TIMP2: variants seen among roughly 807,000 people sequenced by gnomAD.
TIMP2 encodes TIMP metallopeptidase inhibitor 2.
In TIMP2, 5 loss-of-function variants were observed where a neutral mutation model predicts 24.3. The observed-to-expected ratio is 0.21, with a 90% confidence interval of 0.11 to 0.43. The LOEUF (loss-of-function observed/expected upper bound fraction) is 0.43. Among genes scored for constraint, TIMP2 ranks in the 20% least tolerant of loss-of-function variants. TIMP2 has a pLI of 1.00. For missense variants in TIMP2, 221 were observed against 297.5 expected, an observed-to-expected ratio of 0.74 and a Z score of 1.89; for synonymous variants, 130 against 123.2, an observed-to-expected ratio of 1.06 and a Z score of -0.37.
At chr17:78,871,396 G>A (rs994500314) in intron 2 of TIMP2, among the ~76,000 whole-genome samples, 22 of 146,834 alleles carry the variant, frequency 1.5e-4, no homozygotes, top group South Asian at 1.3e-3. Flanking sequence ...AGGTTGCAGT[G>A]AGCTGAGATG....
At position 78,906,395 on chromosome 17, in the gene TIMP2, GAAATAA is replaced by G. The variant is rs535808055; in HGVS notation, c.130+18558_130+18563del. On this transcript the variant is annotated intron_variant, in intron 1 of 4. Transcript: ENST00000262768. ...AAAAAAGAAAAACCCAAAACTTGAA[GAAATAA>G]AAATAAAAATAAAAATATTTTATTG... Among the ~76,000 whole-genome samples the G allele has an allele frequency of 1.8e-3, 271 of 152,090 alleles. 3 individuals carry two copies. Among genetic ancestry groups the G allele is most frequent in the African/African-American group, 5.3e-3 (221 of 41,510 alleles).
Position 78,924,676 on chromosome 17 carries a change from C to T in TIMP2, c.130+283G>A, listed in dbSNP as rs1054220563. On this transcript the variant is annotated intron_variant, in intron 1 of 4. Coordinates refer to ENST00000262768, the MANE Select transcript of TIMP2 (RefSeq NM_003255.5). This position sits in a 1 kb window ranked among gnomAD's most constrained non-coding sequence, Gnocchi z 5.3. ...CCAGGGCGCGCCGCCTGCCAAAAGCCAAACTGGCTCCCTTTCCTGGGGCTG... is the reference window on the plus strand; with the variant it reads ...CCAGGGCGCGCCGCCTGCCAAAAGCTAAACTGGCTCCCTTTCCTGGGGCTG... Among the ~76,000 whole-genome samples the T allele has an allele frequency of 6.6e-6, 1 of 152,212 alleles. No homozygotes were observed. Among genetic ancestry groups the T allele is most frequent in the African/African-American group, 2.4e-5 (1 of 41,458 alleles).
intron 1 of TIMP2, chr17:78,902,045 T>C: frequency 1.9e-6 from 1 of 526,540 alleles, no homozygotes; most frequent in East Asian, 3.2e-5. Context: ...TGCCAGAGGC[T>C]TGGTTTTCGC....
intron 1 of TIMP2, among the ~76,000 whole-genome samples, chr17:78,886,247 G>A (rs899251431): frequency 1.3e-5 from 2 of 152,120 alleles, no homozygotes; most frequent in South Asian, 2.1e-4. Context: ...AAGAAGGGGC[G>A]ATTCCTCACC....
At chr17:78,860,498 T>A (rs2069559258) in intron 3 of TIMP2, among the ~76,000 whole-genome samples, 1 of 152,196 alleles carries the variant, frequency 6.6e-6, no homozygotes, top group Non-Finnish European at 1.5e-5. Flanking sequence ...TGCCTGGGGC[T>A]CCAAGCAGAC....
intron 1 of TIMP2, among the ~76,000 whole-genome samples, chr17:78,909,870 G>C (rs2070192561): frequency 6.6e-6 from 1 of 152,118 alleles, no homozygotes; most frequent in Non-Finnish European, 1.5e-5. Context: ...ACTAGCTGGA[G>C]CAAACAGGGA....
chr17:78,906,687 AT>A (rs748563211), intron 1 of TIMP2, among the ~76,000 whole-genome samples: 7 of 151,876 alleles, frequency 4.6e-5, no homozygotes, highest in Non-Finnish European at 8.8e-5. Flanking sequence ...GGTTCACGCG[AT>A]TCTTGTGCCT....
intron 3 of TIMP2, among the ~76,000 whole-genome samples, chr17:78,869,580 G>T (rs1260030933): frequency 3.9e-5 from 6 of 152,212 alleles, no homozygotes; most frequent in Non-Finnish European, 7.3e-5. Flanking sequence ...GGAGGCTGAG[G>T]TGGGCGGATC....
intron 3 of TIMP2, among the ~76,000 whole-genome samples, chr17:78,867,960 T>C (rs1452027005): frequency 1.3e-5 from 2 of 151,850 alleles, no homozygotes; most frequent in Non-Finnish European, 2.9e-5. Context: ...AAATCTATTT[T>C]CTTTCTTTTC....
intron 2 of TIMP2, among the ~76,000 whole-genome samples, chr17:78,871,911 C>A (rs983009674): frequency 1.1e-4 from 17 of 152,026 alleles, no homozygotes; most frequent in Non-Finnish European, 2.2e-4. Context: ...TCCCTCACCC[C>A]CCACCCCAAA....
rs181917390 is a variant in TIMP2 at position 78,887,498 on chromosome 17, C to T, written c.131-13579G>A. Reference sequence around the variant, plus strand: ...CTCCTGGGTTCAAGCGATTCTCCTGCCTCAGCCTCCCGAATAGCTGGGACT... The same window carrying T: ...CTCCTGGGTTCAAGCGATTCTCCTGTCTCAGCCTCCCGAATAGCTGGGACT... On this transcript the variant is annotated intron_variant, in intron 1 of 4. Coordinates refer to ENST00000262768, the MANE Select transcript of TIMP2 (RefSeq NM_003255.5). 1.7e-3 allele frequency among the ~76,000 whole-genome samples: 260 copies of T among 152,314 alleles called. 1 individual carries two copies. Among genetic ancestry groups the T allele is most frequent in the Middle Eastern group, 6.8e-3 (2 of 294 alleles).
chr17:78,882,630 C>T (rs769563676), intron 1 of TIMP2, among the ~76,000 whole-genome samples: 8 of 152,220 alleles, frequency 5.3e-5, no homozygotes, highest in Non-Finnish European at 1.0e-4. Flanking sequence ...GGGCCGACCT[C>T]GCCAGCTGGA....
intron 1 of TIMP2, chr17:78,899,617 CT>C (rs2070058509): frequency 6.6e-6 from 1 of 152,248 alleles, no homozygotes; most frequent in South Asian, 2.1e-4. Flanking sequence ...CCTGGCTCCC[CT>C]GGGAGCCACC....
In TIMP2 at chr17:78,891,800, C is replaced by A. The variant is rs2069900438; in HGVS notation, c.131-17881G>T. On this transcript the variant is annotated intron_variant, in intron 1 of 4. Transcript: ENST00000262768. The surrounding 1 kb of genome is among the most constrained non-coding windows in gnomAD (Gnocchi z 4.5). Reference sequence around the variant, plus strand: ...CCGAGGATGGATGGCACAGCGGCCACCCCCAGACTTGGTCGAAGGTTCTGG... The same window carrying A: ...CCGAGGATGGATGGCACAGCGGCCAACCCCAGACTTGGTCGAAGGTTCTGG... 1.3e-6 allele frequency: 2 copies of A among 1,550,922 alleles called. No homozygotes were observed. Among genetic ancestry groups the A allele is most frequent in the African/African-American group, 1.4e-5 (1 of 73,068 alleles).
rs1362649082 is a variant in TIMP2, at chr17:78,925,361, G to C, written c.-273C>G. On this transcript the variant is annotated 5_prime_UTR_variant, in exon 1 of 5. Coordinates refer to ENST00000262768, the MANE Select transcript of TIMP2 (RefSeq NM_003255.5). The stretch of plus-strand genomic sequence containing the variant: ...AGCGGCGCTGCGGTTCTCGGCGGCC[G>C]CGCTGCCTTCTACGGATGTGTTTGC... 1.3e-5 allele frequency: 2 copies of C among 152,110 alleles called. No individual in the cohort carries two copies. Among genetic ancestry groups the C allele is most frequent in the Non-Finnish European group, 3.0e-5 (2 of 67,582 alleles). 9.4% of individuals were successfully genotyped at this position (152,110 alleles called of 1,614,324 possible).
At chr17:78,901,099 C>T (rs2070084766) in intron 1 of TIMP2, 1 of 152,540 alleles carries the variant, frequency 6.6e-6, no homozygotes, top group African/African-American at 2.4e-5. Flanking sequence ...ACGAGACGGC[C>T]CGTGTGAAGC....
intron 1 of TIMP2, chr17:78,890,682 C>T: frequency 6.4e-7 from 1 of 1,550,572 alleles, no homozygotes; most frequent in African/African-American, 1.4e-5. Context: ...CGGGCTTCTT[C>T]AAGAAACTGC....
intron 2 of TIMP2, among the ~76,000 whole-genome samples, chr17:78,872,473 T>A (rs2069694152): frequency 6.6e-6 from 1 of 152,114 alleles, no homozygotes; most frequent in African/African-American, 2.4e-5. Flanking sequence ...TTCTCAGCAC[T>A]CAGGGAGGCT....
In TIMP2 at chr17:78,855,150, C is replaced by T. The variant is rs1034814806; in HGVS notation, c.*517G>A. The T allele has an allele frequency of 5.2e-4, 84 of 161,100 alleles. No individual in the cohort carries two copies. The highest frequency in any genetic ancestry group is 1.9e-3 in the African/African-American group (80 of 41,570). 10.0% of individuals were successfully genotyped at this position (161,100 alleles called of 1,614,324 possible). A position where few individuals can be genotyped will look rare whatever the true frequency, so the allele number is the denominator to read the frequency against. On this transcript the variant is annotated 3_prime_UTR_variant, in exon 5 of 5. Transcript: ENST00000262768. This position sits in a 1 kb window ranked among gnomAD's most constrained non-coding sequence, Gnocchi z 6.0. The stretch of plus-strand genomic sequence containing the variant: ...GGTGCTGGGAGCTCATGGTGGGCAC[C>T]GGGGCGATGGGAGCACTTGCCAGGG...
Sources: gnomAD v4.1 joint callset for allele counts (sites outside exome capture counted in the v4.1 genomes callset) on GRCh38, gnomAD v4.1.1 for gene constraint, Gnocchi (gnomAD v3.1) non-coding constraint, MANE v1.5 for transcripts, NCBI Gene and HGNC (gene_info 2026-07-23, HGNC 2026-07-21) for gene names.